TNNI3K: variants seen among roughly 807,000 people sequenced by gnomAD.
TNNI3K encodes the protein TNNI3 interacting kinase.
In TNNI3K, 140 loss-of-function variants were observed where a neutral mutation model predicts 114.5. The ratio of observed to expected loss-of-function variants is 1.22; its 90% confidence interval spans 1.07 to 1.41. The LOEUF (loss-of-function observed/expected upper bound fraction) is 1.41. TNNI3K is among the 40% of genes most tolerant of loss of function. TNNI3K has a pLI of 0.00. For missense variants in TNNI3K, 1,125 were observed against 1,007.6 expected (o/e 1.12, Z -1.58); for synonymous variants, 347 against 347.5 (o/e 1.00, Z 0.02).
intron 7 of TNNI3K, among the ~76,000 whole-genome samples, chr1:74,339,022 A>G (rs1288866795): frequency 2.0e-5 from 3 of 152,104 alleles, no homozygotes; most frequent in Non-Finnish European, 4.4e-5. Flanking sequence ...GGGGTCAGGA[A>G]CTACATCACT....
In TNNI3K at chr1:74,518,879, T is replaced by A. The variant is rs1346652522; in HGVS notation, c.2352-21355T>A. On this transcript the variant is annotated intron_variant, in intron 23 of 24. Transcript: ENST00000326637. ...TTTATTTTATTTTTTTTCCCCTTTT[T>A]TTTTTTTTTTTTTTTATTATACTCT... Among the ~76,000 whole-genome samples the A allele has an allele frequency of 8.4e-4, 100 of 118,478 alleles. 8 individuals are homozygous for A. The highest frequency in any genetic ancestry group is 4.5e-3 in the African/African-American group (93 of 20,512). 77.7% of individuals were successfully genotyped at this position (118,478 alleles called of 152,430 possible).
At chr1:74,365,118 T>C (rs1046714074) in intron 11 of TNNI3K, among the ~76,000 whole-genome samples, 6 of 152,044 alleles carry the variant, frequency 3.9e-5, no homozygotes, top group Non-Finnish European at 8.8e-5. Context: ...AGACCCAAAA[T>C]GCACACTGAT....
Position 74,439,492 on chromosome 1 carries a change from C to A in TNNI3K, c.1881C>A (p.Asn627Lys), listed in dbSNP as rs1380618794. The A allele has an allele frequency of 3.1e-6, 5 of 1,611,554 alleles. No individual in the cohort carries two copies. Among genetic ancestry groups the A allele is most frequent in the Non-Finnish European group, 3.4e-6 (4 of 1,178,770 alleles). Residue 627 changes from asparagine (N) to lysine (K), a missense_variant and splice_region_variant, in exon 20 of 25, where the codon AAC (asparagine) becomes AAA (lysine). By Grantham distance (94) the Asn-to-Lys change is moderately conservative. Transcript: ENST00000326637. ...TGTGGATGTTTCTTGATGTGCAGAA[C>A]CTCCGTTGGATGGCTCCTGAGGTGT... is the stretch of plus-strand genomic sequence containing the variant. ...DEDNMTKQPG[N>K]LRWMAPEVFT... is the part of the protein sequence containing the mutation.
chr1:74,475,706 C>T (rs760316640), intron 21 of TNNI3K: 5 of 702,792 alleles, frequency 7.1e-6, no homozygotes, highest in South Asian at 3.0e-5. Context: ...AGGGGTTCAT[C>T]GAAGGTTCTG....
At chr1:74,532,189 C>T (rs35016895) in intron 23 of TNNI3K, among the ~76,000 whole-genome samples, 9 of 152,190 alleles carry the variant, frequency 5.9e-5, no homozygotes, top group East Asian at 5.8e-4. Context: ...AAGTTTAGTG[C>T]ATGTGTATCT....
chr1:74,463,439 A>G lies in TNNI3K; in HGVS notation c.2012-2A>G, dbSNP rs1340827162. ...AAACTGACATGACCATTTGGTTTGC[A>G]GCGGCTGCGGCAGCAGACATGGCTT... On this transcript the variant is annotated splice_acceptor_variant, in intron 20 of 24. Coordinates refer to ENST00000326637, the MANE Select transcript of TNNI3K (RefSeq NM_015978.3). LOFTEE classifies it high-confidence loss of function. 2 of 1,614,070 alleles carry G rather than the reference A, an allele frequency of 1.2e-6. No homozygotes were observed. Among genetic ancestry groups the G allele is most frequent in the African/African-American group, 2.7e-5 (2 of 74,930 alleles).
At chr1:74,470,518 G>A in intron 21 of TNNI3K, 1 of 400,620 alleles carries the variant, frequency 2.5e-6, no homozygotes, top group Non-Finnish European at 4.4e-6. Context: ...GATATCCTTG[G>A]GAAGTTCTAT....
intron 20 of TNNI3K, among the ~76,000 whole-genome samples, chr1:74,451,736 TTTC>T (rs1557575258): frequency 6.0e-5 from 3 of 49,810 alleles, no homozygotes; most frequent in African/African-American, 2.0e-4. Context: ...TCTTTCTTTC[TTTC>T]TTTCTTTCTT....
At chr1:74,536,998 T>C (rs1178298282) in intron 23 of TNNI3K, among the ~76,000 whole-genome samples, 3 of 152,168 alleles carry the variant, frequency 2.0e-5, no homozygotes, top group African/African-American at 7.2e-5. Context: ...GTTTCTTCTG[T>C]TTTGTTTGAC....
At chr1:74,472,005 A>G (rs1481612085) in intron 21 of TNNI3K, 3 of 678,924 alleles carry the variant, frequency 4.4e-6, no homozygotes, top group South Asian at 1.6e-5. Context: ...TCTTTTGTAC[A>G]TAGTGTTCCT....
At chr1:74,273,998 A>G (rs1656514078) in intron 5 of TNNI3K, among the ~76,000 whole-genome samples, 2 of 151,962 alleles carry the variant, frequency 1.3e-5, no homozygotes, top group Non-Finnish European at 2.9e-5. Context: ...GGGAGTTAGG[A>G]GCACTGATCC....
intron 23 of TNNI3K, among the ~76,000 whole-genome samples, chr1:74,526,415 T>C (rs1481188198): frequency 1.3e-5 from 2 of 152,160 alleles, no homozygotes; most frequent in Admixed American, 1.3e-4. Context: ...TATAAAGTAG[T>C]GATTAAAAGC....
At chr1:74,368,857 G>T in intron 13 of TNNI3K, 165 bp from the exon 14 acceptor site, 1 of 586,216 alleles carries the variant, frequency 1.7e-6, no homozygotes. Flanking sequence ...GGGATCATTT[G>T]GGTTAAGGTT....
chr1:74,424,668 G>A (rs1665547255), intron 17 of TNNI3K, among the ~76,000 whole-genome samples: 1 of 147,626 alleles, frequency 6.8e-6, no homozygotes, highest in African/African-American at 2.5e-5. Flanking sequence ...GCAATGAGTT[G>A]AGAGATCTTG....
chr1:74,342,609 G>T (rs1264913127), intron 7 of TNNI3K, among the ~76,000 whole-genome samples: 1 of 152,128 alleles, frequency 6.6e-6, no homozygotes, highest in Non-Finnish European at 1.5e-5. Flanking sequence ...GATTTGATGT[G>T]TTCCATAGAA....
intron 21 of TNNI3K, among the ~76,000 whole-genome samples, chr1:74,481,788 T>G (rs1668518874): frequency 6.6e-6 from 1 of 152,206 alleles, no homozygotes; most frequent in Non-Finnish European, 1.5e-5. Context: ...TAACACATCT[T>G]TATCATGCTA....
intron 9 of TNNI3K, among the ~76,000 whole-genome samples, chr1:74,347,037 A>G (rs906432478): frequency 4.0e-5 from 6 of 151,812 alleles, no homozygotes; most frequent in Admixed American, 2.0e-4. Context: ...TTTAGGGTAC[A>G]TGTGCACAAC....
chr1:74,386,319 T>A (rs1570556081), intron 17 of TNNI3K, among the ~76,000 whole-genome samples: 1 of 151,512 alleles, frequency 6.6e-6, no homozygotes, highest in Non-Finnish European at 1.5e-5. Flanking sequence ...CTGGCAGATA[T>A]AACATCTGAA....
intron 6 of TNNI3K, among the ~76,000 whole-genome samples, chr1:74,332,297 C>T (rs559374294): frequency 3.5e-5 from 5 of 144,516 alleles, no homozygotes; most frequent in Admixed American, 2.1e-4. Context: ...GCTATTTGCC[C>T]TTTTTTTTTT....
Sources: allele counts gnomAD v4.1 joint callset (sites outside exome capture counted in the v4.1 genomes callset), GRCh38; gene constraint gnomAD v4.1.1; transcripts MANE v1.5; gene names NCBI Gene and HGNC (gene_info 2026-07-23, HGNC 2026-07-21).